QKI: variants seen among roughly 807,000 people sequenced by gnomAD.
QKI encodes the protein QKI, KH domain containing RNA binding.
QKI carries 10 observed loss-of-function variants against 39.0 expected under a neutral mutation model. That is an observed-to-expected ratio of 0.26 (90% CI 0.16 to 0.43). The LOEUF is 0.43. Ranked by LOEUF, QKI falls within the 20% of genes least tolerant of loss-of-function variation. The probability of loss-of-function intolerance (pLI) is 1.00; values close to 1 mark genes in which losing one functional copy is unlikely to be tolerated. For synonymous variants in QKI, 204 were observed against 155.4 expected (o/e 1.31, Z -2.33); for missense variants, 218 against 428.0 (o/e 0.51, Z 4.33).
At chr6:163,564,416 T>C in intron 6 of QKI, 5 of 1,363,448 alleles carry the variant, frequency 3.7e-6, no homozygotes, top group Non-Finnish European at 3.8e-6. Context: ...CAAAATGTTG[T>C]TATGCAGGCA....
chr6:163,453,839 G>A (rs900432626), intron 1 of QKI, among the ~76,000 whole-genome samples: 4 of 152,144 alleles, frequency 2.6e-5, no homozygotes, highest in Non-Finnish European at 5.9e-5. Flanking sequence ...TGGTATCACT[G>A]AAGCAGAAAA....
At chr6:163,561,092 A>G (rs1273023325) in intron 4 of QKI, among the ~76,000 whole-genome samples, 2 of 152,228 alleles carry the variant, frequency 1.3e-5, no homozygotes, top group Admixed American at 1.3e-4. Flanking sequence ...TTAGATTGAA[A>G]GGAGACAGGG....
intron 4 of QKI, among the ~76,000 whole-genome samples, chr6:163,540,059 T>C (rs181700784): frequency 2.0e-5 from 3 of 152,140 alleles, no homozygotes; most frequent in Admixed American, 2.0e-4. Flanking sequence ...GTTTTTTTTT[T>C]AAATGGGAAA....
rs1404230397 is a variant in QKI, at chr6:163,577,323, G to A, written c.*6613G>A. The A allele has an allele frequency of 2.6e-5, 4 of 151,864 alleles. No individual in the cohort carries two copies. The highest frequency in any genetic ancestry group is 4.4e-5 in the Non-Finnish European group (3 of 68,012). The allele number at this position is 151,864 out of a possible 1,614,324, so 9.4% of individuals were successfully genotyped here. A position where few individuals can be genotyped will look rare whatever the true frequency, so the allele number is the denominator to read the frequency against. The stretch of plus-strand genomic sequence containing the variant: ...TCGTGCAGACTAGCAGCCCAAAGGT[G>A]TGTTTGGTTTGGCTTATACGGTGTT... On this transcript the variant is annotated 3_prime_UTR_variant, in exon 8 of 8. Transcript: ENST00000361752.
intron 2 of QKI, among the ~76,000 whole-genome samples, chr6:163,460,608 T>A (rs1192092545): frequency 6.6e-6 from 1 of 152,108 alleles, no homozygotes; most frequent in Non-Finnish European, 1.5e-5. Flanking sequence ...GGTGTCAAAT[T>A]GGGTGTTGAG....
chr6:163,483,066 G>A (rs978841414), intron 3 of QKI, among the ~76,000 whole-genome samples: 12 of 152,146 alleles, frequency 7.9e-5, no homozygotes, highest in Admixed American at 6.5e-4. Context: ...GGAACATTGC[G>A]ATAAAGCTAG....
intron 1 of QKI, chr6:163,416,579 G>C (rs1284313493): frequency 6.6e-6 from 1 of 152,280 alleles, no homozygotes; most frequent in Middle Eastern, 3.1e-3. Context: ...AGCTTGGGGA[G>C]TTGGAATGTC....
chr6:163,461,682 C>T (rs1020701874), intron 2 of QKI, among the ~76,000 whole-genome samples: 4 of 152,168 alleles, frequency 2.6e-5, no homozygotes, highest in Non-Finnish European at 4.4e-5. Flanking sequence ...ATCTGCTTCT[C>T]AGTGCTATCC....
At position 163,462,573 on chromosome 6, in the gene QKI, A is replaced by G. The variant is rs1049512421; in HGVS notation, c.285+7152A>G. ...ACTTTTAAGATTGCATATAAATAGT[A>G]TAAATTTGCCATGTTAAGGACAGAT... On this transcript the variant is annotated intron_variant, in intron 2 of 7. Transcript: ENST00000361752. 2.0e-5 allele frequency among the ~76,000 whole-genome samples: 3 copies of G among 152,226 alleles called. No individual in the cohort carries two copies. In the East Asian group the frequency reaches 5.8e-4, roughly 29 times the overall value.
chr6:163,444,976 A>G (rs1248136503), intron 1 of QKI, among the ~76,000 whole-genome samples: 3 of 152,048 alleles, frequency 2.0e-5, no homozygotes, highest in East Asian at 1.9e-4. Flanking sequence ...CGGAGTGATC[A>G]TGGACCACTG....
intron 3 of QKI, among the ~76,000 whole-genome samples, chr6:163,507,688 G>A (rs1252982232): frequency 6.6e-6 from 1 of 152,144 alleles, no homozygotes; most frequent in Non-Finnish European, 1.5e-5. Context: ...GAAACAAAGT[G>A]TGCAGCCCTC....
chr6:163,565,029 T>C, intron 6 of QKI: 1 of 1,166,738 alleles, frequency 8.6e-7, no homozygotes, highest in Non-Finnish European at 1.1e-6. Flanking sequence ...TATCTGTGTG[T>C]GTGCATGCAC....
rs1428064295 is a variant in QKI, at chr6:163,577,730, G to A, written c.*7020G>A. 2 of 152,164 alleles carry A rather than the reference G, an allele frequency of 1.3e-5. No individual in the cohort carries two copies. The highest frequency in any genetic ancestry group is 2.9e-5 in the Non-Finnish European group (2 of 68,010). The allele number at this position is 152,164 out of a possible 1,614,324, so 9.4% of individuals were successfully genotyped here. On this transcript the variant is annotated 3_prime_UTR_variant, in exon 8 of 8. Coordinates refer to ENST00000361752, the MANE Select transcript of QKI (RefSeq NM_006775.3). ...GGATGGTGATCTGACTTTCAAACCAGCTTCTCAAAAGGGGTGACATAAAAT... is the reference window on the plus strand; with the variant it reads ...GGATGGTGATCTGACTTTCAAACCAACTTCTCAAAAGGGGTGACATAAAAT...
chr6:163,521,515 G>A (rs1290012565), intron 3 of QKI, among the ~76,000 whole-genome samples: 1 of 151,928 alleles, frequency 6.6e-6, no homozygotes, highest in Non-Finnish European at 1.5e-5. Flanking sequence ...AATAATTTGG[G>A]GCAGGCAGTT....
At chr6:163,518,725 TGTA>T (rs1779977506) in intron 3 of QKI, among the ~76,000 whole-genome samples, 1 of 152,044 alleles carries the variant, frequency 6.6e-6, no homozygotes, top group African/African-American at 2.4e-5. Context: ...GTAAATAAAT[TGTA>T]GTTTATGAAC....
At chr6:163,545,069 C>T (rs1455991421) in intron 4 of QKI, among the ~76,000 whole-genome samples, 1 of 152,068 alleles carries the variant, frequency 6.6e-6, no homozygotes, top group East Asian at 1.9e-4. Context: ...TACCAGAGAT[C>T]TCTGTAATTT....
chr6:163,430,401 A>T (rs886865541), intron 1 of QKI, among the ~76,000 whole-genome samples: 1 of 151,810 alleles, frequency 6.6e-6, no homozygotes, highest in Non-Finnish European at 1.5e-5. Flanking sequence ...CTAACTTTTA[A>T]TTTTAACTAT....
intron 4 of QKI, among the ~76,000 whole-genome samples, chr6:163,541,026 T>C (rs553711043): frequency 8.5e-5 from 13 of 152,128 alleles, no homozygotes; most frequent in Middle Eastern, 3.4e-3. Flanking sequence ...TCTACTAAGG[T>C]TTAGTTTTAC....
chr6:163,467,290 GTTCA>G, intron 2 of QKI, among the ~76,000 whole-genome samples: 1 of 152,282 alleles, frequency 6.6e-6, no homozygotes, highest in East Asian at 1.9e-4. Flanking sequence ...GTTAAACCTT[GTTCA>G]TTATATCTCA....
Sources: allele counts gnomAD v4.1 joint callset (sites outside exome capture counted in the v4.1 genomes callset), GRCh38; gene constraint gnomAD v4.1.1; transcripts MANE v1.5; gene names NCBI Gene and HGNC (gene_info 2026-07-23, HGNC 2026-07-21).